The following GLI3 variants were observed in gnomAD, a reference collection of about 807,000 sequenced individuals.
The protein encoded by GLI3 is transcription activator GLI3.
Under a neutral mutation model 100.8 loss-of-function variants are expected in GLI3, and 20 were observed. The observed-to-expected ratio is 0.20, with a 90% CI of 0.14 to 0.29. The LOEUF (loss-of-function observed/expected upper bound fraction) is 0.29. Ranked by LOEUF, GLI3 falls within the 10% of genes least tolerant of loss-of-function variation. The pLI is 1.00. For missense variants in GLI3, 2,040 were observed against 2,128.5 expected, an observed-to-expected ratio of 0.96 and a Z score of 0.82; for synonymous variants, 938 against 860.5, an observed-to-expected ratio of 1.09 and a Z score of -1.58.
intron 10 of GLI3, among the ~76,000 whole-genome samples, chr7:41,997,272 C>CA (rs1554310290): frequency 6.7e-6 from 1 of 150,036 alleles, no homozygotes; most frequent in Admixed American, 6.7e-5. Context: ...AGAAGTCCAG[C>CA]TTTTTTTTTT....
chr7:42,222,863 C>A, intron 2 of GLI3: 1 of 412,440 alleles, frequency 2.4e-6, no homozygotes. Flanking sequence ...TTCCAAAATG[C>A]CAAAACAGGA....
intron 1 of GLI3, among the ~76,000 whole-genome samples, chr7:42,252,466 A>G (rs1054547348): frequency 2.6e-5 from 4 of 152,148 alleles, no homozygotes; most frequent in African/African-American, 9.7e-5. Context: ...AAACCTGCAC[A>G]TGTACCCCTG....
intron 5 of GLI3, among the ~76,000 whole-genome samples, chr7:42,046,820 C>G (rs866148582): frequency 1.3e-5 from 2 of 152,168 alleles, no homozygotes; most frequent in Non-Finnish European, 2.9e-5. Flanking sequence ...AAAATAAAAT[C>G]TGAAGCAGAA....
chr7:42,205,293 G>C (rs1422285433), intron 2 of GLI3, among the ~76,000 whole-genome samples: 1 of 152,168 alleles, frequency 6.6e-6, no homozygotes, highest in East Asian at 1.9e-4. Flanking sequence ...TCTGGCACCT[G>C]TAAGTCATTA....
At chr7:42,186,658 CACA>C (rs1336986927) in intron 2 of GLI3, among the ~76,000 whole-genome samples, 1 of 152,140 alleles carries the variant, frequency 6.6e-6, no homozygotes, top group Non-Finnish European at 1.5e-5. Flanking sequence ...CTGGAAGGCC[CACA>C]ACATTTACAA....
intron 2 of GLI3, among the ~76,000 whole-genome samples, chr7:42,168,577 GA>G (rs1205553907): frequency 1.3e-5 from 2 of 152,058 alleles, no homozygotes; most frequent in African/African-American, 4.8e-5. Flanking sequence ...ACATAATGTA[GA>G]CCAAGGAGAA....
chr7:42,131,918 C>G (rs1257227384), intron 3 of GLI3, among the ~76,000 whole-genome samples: 1 of 151,960 alleles, frequency 6.6e-6, no homozygotes, highest in Admixed American at 6.5e-5. Context: ...CTAGAGTTGA[C>G]ATGTCAGGAT....
intron 3 of GLI3, among the ~76,000 whole-genome samples, chr7:42,093,379 C>CA (rs545971639): frequency 0.16 from 16,065 of 102,586 alleles, 1,253 homozygotes; most frequent in African/African-American, 0.25. Flanking sequence ...AACAATGTCT[C>CA]AAAAAAAAAA....
In GLI3 at chr7:41,964,927, G is replaced by A; in HGVS notation, c.4146C>T (p.Gly1382=). Residue 1382 remains glycine (G), a synonymous_variant, in exon 15 of 15, where the codon GGC becomes GGT. Transcript: ENST00000395925. ...SQPSSLAVVR[G]YQPCASFGGS... ...CCCCAAAGCTGGCACATGGCTGGTAGCCCCTGACAACTGCCAAGCTTGACG... is the reference window on the plus strand; with the variant it reads ...CCCCAAAGCTGGCACATGGCTGGTAACCCCTGACAACTGCCAAGCTTGACG... 6.2e-7 allele frequency: 1 copy of A among 1,613,744 alleles called. No individual in the cohort carries two copies. The highest frequency in any genetic ancestry group is 8.5e-7 in the Non-Finnish European group (1 of 1,180,042).
chr7:42,105,525 G>C (rs891102302), intron 3 of GLI3, among the ~76,000 whole-genome samples: 5 of 152,156 alleles, frequency 3.3e-5, no homozygotes, highest in Admixed American at 3.3e-4. Flanking sequence ...TGGGGAGATA[G>C]GATGACGCCG....
intron 10 of GLI3, among the ~76,000 whole-genome samples, chr7:41,980,324 T>A (rs1787624362): frequency 6.6e-6 from 1 of 152,200 alleles, no homozygotes; most frequent in Non-Finnish European, 1.5e-5. Flanking sequence ...AGAACAGATG[T>A]TCTGGACAGG....
chr7:42,090,234 A>C (rs1785189029), intron 3 of GLI3, among the ~76,000 whole-genome samples: 1 of 152,204 alleles, frequency 6.6e-6, no homozygotes, highest in Non-Finnish European at 1.5e-5. Flanking sequence ...TGGTGAATGA[A>C]TGTGAAGACC....
chr7:42,261,094 C>A (rs1338296712), intron 1 of GLI3, among the ~76,000 whole-genome samples: 1 of 152,082 alleles, frequency 6.6e-6, no homozygotes, highest in Non-Finnish European at 1.5e-5. Context: ...ATGGTGCTGG[C>A]ATCAGCTCGG....
chr7:42,136,015 T>C (rs62443795), intron 3 of GLI3, among the ~76,000 whole-genome samples: 2,494 of 152,240 alleles, frequency 0.016, 34 homozygotes, highest in Middle Eastern at 0.054. Context: ...GAACCACATA[T>C]AGAGACAGTT....
At chr7:42,113,445 G>A in intron 3 of GLI3, 1 of 736,948 alleles carries the variant, frequency 1.4e-6, no homozygotes, top group Non-Finnish European at 2.5e-6. Flanking sequence ...GATCCACAAA[G>A]TTGTCTGCTA....
At chr7:41,969,949 G>T (rs1787322939) in intron 13 of GLI3, among the ~76,000 whole-genome samples, 1 of 152,152 alleles carries the variant, frequency 6.6e-6, no homozygotes, top group African/African-American at 2.4e-5. Flanking sequence ...TAGACAGATA[G>T]AACAATGAAT....
At chr7:42,119,393 T>C (rs1465781492) in intron 3 of GLI3, among the ~76,000 whole-genome samples, 1 of 152,146 alleles carries the variant, frequency 6.6e-6, no homozygotes, top group Non-Finnish European at 1.5e-5. Context: ...GCCAGCACCC[T>C]TGATTGTTCT....
intron 2 of GLI3, among the ~76,000 whole-genome samples, chr7:42,186,030 T>G (rs1229400013): frequency 2.0e-5 from 3 of 152,192 alleles, no homozygotes; most frequent in Non-Finnish European, 4.4e-5. Context: ...CCAGACCATA[T>G]CGTCAGCAAT....
At chr7:42,185,915 A>G (rs553212057) in intron 2 of GLI3, among the ~76,000 whole-genome samples, 4 of 152,306 alleles carry the variant, frequency 2.6e-5, no homozygotes, top group South Asian at 4.1e-4. Flanking sequence ...TCTTTGGGCC[A>G]GGGCAGCCAT....
Sources: gnomAD v4.1 joint callset for allele counts (sites outside exome capture counted in the v4.1 genomes callset) on GRCh38, gnomAD v4.1.1 for gene constraint, MANE v1.5 for transcripts, NCBI Gene and HGNC (gene_info 2026-07-23, HGNC 2026-07-21) for gene names.